Variants in TPTE observed in about 807,000 individuals in gnomAD.
TPTE encodes transmembrane phosphatase with tensin homology.
A neutral mutation model predicts 84.1 loss-of-function variants in TPTE; 59 were observed. The ratio of observed to expected loss-of-function variants is 0.70; its 90% CI spans 0.57 to 0.87. The LOEUF is 0.87. Among genes scored for constraint, TPTE ranks in the 40% least tolerant of loss-of-function variants. TPTE has a pLI of 0.00. For synonymous variants in TPTE, 130 were observed against 223.5 expected, an observed-to-expected ratio of 0.58 and a Z score of 3.73; for missense variants, 382 against 659.6, an observed-to-expected ratio of 0.58 and a Z score of 4.61.
chr21:10,566,399 C>G (rs111362032), intron 10 of TPTE, among the ~76,000 whole-genome samples: 1,129 of 151,944 alleles, frequency 7.4e-3, no homozygotes, highest in Non-Finnish European at 0.012. Context: ...CCCTCATACA[C>G]TGTTCATGGA....
At chr21:10,548,521 A>G (rs1219083924) in intron 7 of TPTE, among the ~76,000 whole-genome samples, 3 of 152,298 alleles carry the variant, frequency 2.0e-5, no homozygotes, top group African/African-American at 7.2e-5. Context: ...GGCAGGCACC[A>G]CCCAGGCCAG....
At chr21:10,596,765 A>G (rs1158862432) in intron 20 of TPTE, among the ~76,000 whole-genome samples, 16 of 152,402 alleles carry the variant, frequency 1.0e-4, no homozygotes, top group East Asian at 9.6e-4. Context: ...GCTGGGTGCT[A>G]TAGGTGCCAT....
intron 1 of TPTE, among the ~76,000 whole-genome samples, chr21:10,522,384 C>T (rs1307472433): frequency 1.3e-5 from 2 of 152,300 alleles, no homozygotes; most frequent in African/African-American, 4.8e-5. Context: ...CGGTGGGGTG[C>T]TGTTCCGAAA....
In TPTE at chr21:10,577,615, A is replaced by C; in HGVS notation, c.856+95A>C. 1.9e-6 allele frequency: 3 copies of C among 1,606,886 alleles called. No homozygotes were observed. The South Asian group carries it at 3.3e-5, about 18-fold the overall frequency. On this transcript the variant is annotated intron_variant, in intron 15 of 23. Transcript: ENST00000618007. ...TGTTTTTTAGATTGCATTTAATCAT[A>C]AGTATTTGGTAGTGGCAAGGAATGA...
intron 7 of TPTE, among the ~76,000 whole-genome samples, chr21:10,552,095 A>G (rs964304008): frequency 1.3e-5 from 2 of 152,312 alleles, no homozygotes; most frequent in African/African-American, 2.4e-5. Flanking sequence ...CATGGAGGCA[A>G]CGCCCTCCAC....
chr21:10,604,086 A>G (rs1978960823), intron 23 of TPTE, among the ~76,000 whole-genome samples: 1 of 152,312 alleles, frequency 6.6e-6, no homozygotes, highest in Non-Finnish European at 1.5e-5. Context: ...TATCTAGGAG[A>G]AGTCACAAGA....
At chr21:10,580,147 G>T (rs925536155) in intron 17 of TPTE, among the ~76,000 whole-genome samples, 2 of 152,312 alleles carry the variant, frequency 1.3e-5, no homozygotes, top group African/African-American at 4.8e-5. Context: ...GGCCATTTGT[G>T]TGTCTTCTGT....
chr21:10,587,551 T>TC (rs1318572219), intron 17 of TPTE, among the ~76,000 whole-genome samples: 9 of 46,872 alleles, frequency 1.9e-4, no homozygotes, highest in Non-Finnish European at 3.4e-4. Context: ...AAATGATTTC[T>TC]TTTTTTTTTT....
Position 10,603,627 on chromosome 21 carries a change from T to C in TPTE, c.1515T>C (p.Asn505=). ...GGTTGCACACATCTTTTATTGAAAA[T>C]AACAGGTATGAATATAATAGAAACC... is the stretch of plus-strand genomic sequence containing the variant. The part of the protein sequence containing the change: ...YFWLHTSFIE[N]NRLYLPKNEL... The change falls in exon 23 of 24, where the codon AAT becomes AAC. Residue 505 remains asparagine (N), a synonymous_variant. Transcript: ENST00000618007. 6.2e-7 allele frequency: 1 copy of C among 1,612,026 alleles called. No homozygotes were observed. Among genetic ancestry groups the C allele is most frequent in the Non-Finnish European group, 8.5e-7 (1 of 1,178,388 alleles).
chr21:10,580,731 T>C (rs558845360), intron 17 of TPTE, among the ~76,000 whole-genome samples: 77 of 152,214 alleles, frequency 5.1e-4, no homozygotes, highest in African/African-American at 1.8e-3. Flanking sequence ...TCCAGTAATA[T>C]TTAAGGTTGT....
intron 10 of TPTE, among the ~76,000 whole-genome samples, chr21:10,562,562 G>T (rs2074830919): frequency 1.3e-5 from 2 of 152,308 alleles, no homozygotes; most frequent in Non-Finnish European, 2.9e-5. Flanking sequence ...GTTTAACAAA[G>T]AGATTGAAAT....
intron 17 of TPTE, among the ~76,000 whole-genome samples, chr21:10,582,079 G>T (rs2075281521): frequency 6.6e-6 from 1 of 152,298 alleles, no homozygotes; most frequent in South Asian, 2.1e-4. Flanking sequence ...TTTTCTATGT[G>T]TGTGTATATA....
In TPTE at chr21:10,597,739, G is replaced by C. The variant is rs9976151; in HGVS notation, c.1277-276G>C. On this transcript the variant is annotated intron_variant, in intron 20 of 23. Transcript: ENST00000618007. Reference sequence around the variant, plus strand: ...CTAGCTTCCCTAAATATTTTTTCTGGAAAGATAAAAGTGATGGGATTCTAA... The same window carrying C: ...CTAGCTTCCCTAAATATTTTTTCTGCAAAGATAAAAGTGATGGGATTCTAA... Among the ~76,000 whole-genome samples the C allele has an allele frequency of 0.015, 2,186 of 148,960 alleles. No individual in the cohort carries two copies. The highest frequency in any genetic ancestry group is 0.055 in the African/African-American group (2,096 of 38,350).
chr21:10,597,712 G>A (rs1434100484), intron 20 of TPTE, among the ~76,000 whole-genome samples: 17 of 152,398 alleles, frequency 1.1e-4, no homozygotes, highest in African/African-American at 3.8e-4. Flanking sequence ...ACCATGCCTG[G>A]CCTAGCTTCC....
At chr21:10,530,561 C>G (rs1423416749) in intron 3 of TPTE, among the ~76,000 whole-genome samples, 2 of 152,306 alleles carry the variant, frequency 1.3e-5, no homozygotes, top group Admixed American at 6.5e-5. Context: ...AGCATGCATC[C>G]CCTAGTGAGG....
chr21:10,604,395 G>A (rs1306868289), intron 23 of TPTE, among the ~76,000 whole-genome samples: 1 of 152,312 alleles, frequency 6.6e-6, no homozygotes, highest in South Asian at 2.1e-4. Context: ...ATTTAGGTCA[G>A]AGTTGAAGAA....
rs469820 is a variant in TPTE, at chr21:10,524,654, C to A, written c.-136C>A. On this transcript the variant is annotated 5_prime_UTR_variant, in exon 2 of 24. Transcript: ENST00000618007. ...GCTGAACACACCCCAGGCTCTTCTG[C>A]CCGGCAGTGGCTCTGGAAGCAGTCT... The A allele has an allele frequency of 0.79, 120,322 of 152,526 alleles. 44,110 individuals carry two copies. Among genetic ancestry groups the A allele is most frequent in the Non-Finnish European group, 0.89 (61,104 of 68,482 alleles). 9.4% of individuals were successfully genotyped at this position (152,526 alleles called of 1,614,324 possible). A position where few individuals can be genotyped will look rare whatever the true frequency, so the allele number is the denominator to read the frequency against.
In TPTE at chr21:10,526,544, C is replaced by CA. The variant is rs1166895241; in HGVS notation, c.-101-804dup. ...AGAGAATCCCAGTTGTTATCAGCAG[C>CA]AAAAAAATGTATGTGATCAGTTTCT... On this transcript the variant is annotated intron_variant, in intron 2 of 23. Coordinates refer to ENST00000618007, the MANE Select transcript of TPTE (RefSeq NM_199261.4). 2.6e-5 allele frequency among the ~76,000 whole-genome samples: 4 copies of CA among 152,282 alleles called. No individual in the cohort carries two copies. In the East Asian group the frequency reaches 5.8e-4, roughly 22 times the overall value.
chr21:10,527,323 A>AT (rs1455472348), intron 2 of TPTE, 32 bp from the exon 3 acceptor site: 2 of 152,772 alleles, frequency 1.3e-5, no homozygotes, highest in Non-Finnish European at 2.9e-5. Context: ...ATCTGACTTT[A>AT]TTTTTTGTAT....
Sources: allele counts gnomAD v4.1 joint callset (sites outside exome capture counted in the v4.1 genomes callset), GRCh38; gene constraint gnomAD v4.1.1; transcripts MANE v1.5; gene names NCBI Gene and HGNC (gene_info 2026-07-23, HGNC 2026-07-21).